The following ARL15 variants were observed in gnomAD, a reference collection of about 807,000 sequenced individuals.
ARL15 encodes the protein ADP-ribosylation factor-like protein 15.
A neutral mutation model predicts 25.2 loss-of-function variants in ARL15; 19 were observed. The ratio of observed to expected loss-of-function variants is 0.75; its 90% CI spans 0.53 to 1.10. The LOEUF is 1.10. ARL15 is among the 50% of genes least tolerant of loss of function. The pLI is 0.00. For synonymous variants in ARL15, 94 were observed against 86.8 expected, an observed-to-expected ratio of 1.08 and a Z score of -0.46; for missense variants, 220 against 246.0, an observed-to-expected ratio of 0.89 and a Z score of 0.71.
At chr5:54,000,541 T>C (rs950496016) in intron 4 of ARL15, among the ~76,000 whole-genome samples, 2 of 152,214 alleles carry the variant, frequency 1.3e-5, no homozygotes, top group African/African-American at 4.8e-5. Flanking sequence ...TTAAGCCACC[T>C]TGGGTACCAA....
intron 4 of ARL15, among the ~76,000 whole-genome samples, chr5:54,073,478 T>C (rs1579767523): frequency 1.3e-5 from 2 of 152,106 alleles, no homozygotes; most frequent in African/African-American, 2.4e-5. Context: ...TACTGACATA[T>C]AGGTTTCAAG....
At chr5:53,945,796 G>C (rs1011507472) in intron 4 of ARL15, among the ~76,000 whole-genome samples, 1 of 152,140 alleles carries the variant, frequency 6.6e-6, no homozygotes, top group African/African-American at 2.4e-5. Flanking sequence ...GTAAAATGTA[G>C]TGTTCTCATT....
intron 4 of ARL15, among the ~76,000 whole-genome samples, chr5:53,974,487 T>C (rs1395512527): frequency 6.6e-6 from 1 of 152,230 alleles, no homozygotes; most frequent in Non-Finnish European, 1.5e-5. Context: ...CTGCGCTCAC[T>C]GTTTTCTGCT....
At chr5:53,982,424 G>A (rs2111603906) in intron 4 of ARL15, among the ~76,000 whole-genome samples, 1 of 149,454 alleles carries the variant, frequency 6.7e-6, no homozygotes, top group Admixed American at 6.7e-5. Flanking sequence ...CTATGAGTGA[G>A]AACATGAGGT....
At chr5:54,053,617 C>T (rs1429192109) in intron 4 of ARL15, among the ~76,000 whole-genome samples, 1 of 152,068 alleles carries the variant, frequency 6.6e-6, no homozygotes. Flanking sequence ...CAGTGTTTAC[C>T]CTTGATATGA....
intron 1 of ARL15, among the ~76,000 whole-genome samples, chr5:54,201,498 T>G (rs1755721602): frequency 6.6e-6 from 1 of 152,156 alleles, no homozygotes; most frequent in Admixed American, 6.6e-5. Context: ...ATATCTAATT[T>G]GATCATCCTT....
chr5:54,086,221 A>G (rs988390095), intron 4 of ARL15, among the ~76,000 whole-genome samples: 26 of 152,236 alleles, frequency 1.7e-4, no homozygotes, highest in South Asian at 1.7e-3. Flanking sequence ...GCCTCTACAC[A>G]TAAGCTTTAG....
At chr5:53,888,895 A>G (rs1744626929) in intron 4 of ARL15, among the ~76,000 whole-genome samples, 2 of 152,146 alleles carry the variant, frequency 1.3e-5, no homozygotes, top group African/African-American at 4.8e-5. Context: ...TTCTGCCACA[A>G]AGTAAGGCTT....
chr5:54,203,753 G>A (rs1755783106), intron 1 of ARL15, among the ~76,000 whole-genome samples: 1 of 152,120 alleles, frequency 6.6e-6, no homozygotes, highest in African/African-American at 2.4e-5. Context: ...ATCACTCACT[G>A]TTGGTCAATA....
At chr5:54,079,479 G>C (rs1751719848) in intron 4 of ARL15, among the ~76,000 whole-genome samples, 1 of 152,040 alleles carries the variant, frequency 6.6e-6, no homozygotes, top group Non-Finnish European at 1.5e-5. Context: ...AACTGATTTT[G>C]AATAATCCCT....
At chr5:53,996,213 T>A (rs1218904385) in intron 4 of ARL15, among the ~76,000 whole-genome samples, 1 of 152,176 alleles carries the variant, frequency 6.6e-6, no homozygotes, top group Non-Finnish European at 1.5e-5. Context: ...GAAATCAGAT[T>A]GCAGACTAGT....
chr5:54,064,883 C>T (rs1751170119), intron 4 of ARL15, among the ~76,000 whole-genome samples: 2 of 152,088 alleles, frequency 1.3e-5, no homozygotes, highest in African/African-American at 4.8e-5. Context: ...TTATGGATAG[C>T]CAACTTTTTG....
At chr5:54,051,793 T>G (rs1326673868) in intron 4 of ARL15, among the ~76,000 whole-genome samples, 1 of 152,192 alleles carries the variant, frequency 6.6e-6, no homozygotes, top group Non-Finnish European at 1.5e-5. Flanking sequence ...TACTAGGTAT[T>G]TACTCAATTG....
intron 4 of ARL15, among the ~76,000 whole-genome samples, chr5:53,987,539 TAAAGAGAGTGAG>T (rs1748337089): frequency 6.6e-6 from 1 of 152,012 alleles, no homozygotes; most frequent in African/African-American, 2.4e-5. Flanking sequence ...TTATCATCTT[TAAAGAGAGTGAG>T]AAAGAGAGAT....
At chr5:53,929,051 T>C (rs890744267) in intron 4 of ARL15, among the ~76,000 whole-genome samples, 1 of 151,940 alleles carries the variant, frequency 6.6e-6, no homozygotes, top group African/African-American at 2.4e-5. Context: ...TACAGAGAAC[T>C]CAAGAAAGAT....
chr5:54,106,753 T>C (rs943456415), intron 4 of ARL15, among the ~76,000 whole-genome samples: 9 of 151,828 alleles, frequency 5.9e-5, no homozygotes, highest in Non-Finnish European at 1.3e-4. Context: ...ATATGGAGGG[T>C]TGACTGTTTA....
At chr5:54,130,339 C>A (rs1753392641) in intron 3 of ARL15, among the ~76,000 whole-genome samples, 1 of 152,098 alleles carries the variant, frequency 6.6e-6, no homozygotes, top group Non-Finnish European at 1.5e-5. Flanking sequence ...AAAAAGTGTT[C>A]TGGGAAGCAC....
intron 1 of ARL15, among the ~76,000 whole-genome samples, chr5:54,236,635 A>G (rs1438311669): frequency 6.6e-6 from 1 of 152,222 alleles, no homozygotes; most frequent in African/African-American, 2.4e-5. Context: ...TTCTATTGGC[A>G]ACACTTCTGT....
chr5:54,289,255 C>T (rs148218718), intron 1 of ARL15, among the ~76,000 whole-genome samples: 132 of 151,702 alleles, frequency 8.7e-4, no homozygotes, highest in African/African-American at 3.2e-3. Flanking sequence ...ATGCTGGGGA[C>T]GGAACAGTGA....
Sources: allele counts gnomAD v4.1 joint callset (sites outside exome capture counted in the v4.1 genomes callset), GRCh38; gene constraint gnomAD v4.1.1; transcripts MANE v1.5; gene names NCBI Gene and HGNC (gene_info 2026-07-23, HGNC 2026-07-21).